The following TIAM1 variants were observed in gnomAD, a reference collection of about 807,000 sequenced individuals.
TIAM1 encodes rho guanine nucleotide exchange factor TIAM1.
TIAM1 carries 65 observed loss-of-function variants against 163.5 expected under a neutral mutation model. The ratio of observed to expected loss-of-function variants is 0.40; its 90% CI spans 0.33 to 0.49. The LOEUF (loss-of-function observed/expected upper bound fraction) is 0.49. Among genes scored for constraint, TIAM1 ranks in the 20% least tolerant of loss-of-function variants. The probability of loss-of-function intolerance (pLI) is 0.77; values close to 1 mark genes in which losing one functional copy is unlikely to be tolerated. For missense variants in TIAM1, 1,789 were observed against 2,044.7 expected, an observed-to-expected ratio of 0.87 and a Z score of 2.41; for synonymous variants, 833 against 810.1, an observed-to-expected ratio of 1.03 and a Z score of -0.48.
chr21:31,521,265 G>C (rs1395726307), intron 1 of TIAM1, among the ~76,000 whole-genome samples: 2 of 152,156 alleles, frequency 1.3e-5, no homozygotes, highest in Non-Finnish European at 2.9e-5. Flanking sequence ...AAAATGACAA[G>C]CTGGAAGGCT....
At chr21:31,489,193 C>T (rs1039904497) in intron 1 of TIAM1, among the ~76,000 whole-genome samples, 2 of 150,920 alleles carry the variant, frequency 1.3e-5, no homozygotes, top group Non-Finnish European at 2.9e-5. Flanking sequence ...AACATAGAGA[C>T]CTTATCTCTA....
chr21:31,396,302 G>A (rs755237673), intron 2 of TIAM1, among the ~76,000 whole-genome samples: 11 of 152,136 alleles, frequency 7.2e-5, no homozygotes, highest in Non-Finnish European at 1.5e-4. Context: ...TCCCACGCAT[G>A]CCTCCTGCCA....
At chr21:31,491,703 G>T (rs896143446) in intron 1 of TIAM1, among the ~76,000 whole-genome samples, 2 of 152,152 alleles carry the variant, frequency 1.3e-5, no homozygotes, top group Non-Finnish European at 1.5e-5. Flanking sequence ...CTTTGCTTTC[G>T]CAATTTATAG....
intron 15 of TIAM1, among the ~76,000 whole-genome samples, chr21:31,171,353 T>C (rs1021378281): frequency 2.6e-5 from 4 of 152,206 alleles, no homozygotes; most frequent in Non-Finnish European, 5.9e-5. Flanking sequence ...GTACAAACCA[T>C]ATAAGATTGA....
At chr21:31,355,380 T>C (rs1323333369) in intron 2 of TIAM1, among the ~76,000 whole-genome samples, 1 of 152,122 alleles carries the variant, frequency 6.6e-6, no homozygotes, top group East Asian at 1.9e-4. Context: ...CTTCCGCTTA[T>C]GAAGGTAACC....
chr21:31,296,304 T>A (rs900307230), intron 2 of TIAM1, among the ~76,000 whole-genome samples: 1 of 152,062 alleles, frequency 6.6e-6, no homozygotes, highest in Non-Finnish European at 1.5e-5. Context: ...AAAAAAAATA[T>A]GCACACCTCA....
At chr21:31,194,513 T>C (rs1174874424) in intron 13 of TIAM1, among the ~76,000 whole-genome samples, 1 of 152,186 alleles carries the variant, frequency 6.6e-6, no homozygotes, top group African/African-American at 2.4e-5. Flanking sequence ...AGGTACATCA[T>C]AGTATATGTT....
At chr21:31,376,579 A>G (rs1310399392) in intron 2 of TIAM1, among the ~76,000 whole-genome samples, 1 of 152,192 alleles carries the variant, frequency 6.6e-6, no homozygotes, top group East Asian at 1.9e-4. Context: ...TCCCCCAAAC[A>G]CACGCACAGC....
Position 31,481,979 on chromosome 21 carries a change from C to T in TIAM1, c.-421-17944G>A, listed in dbSNP as rs990038290. On this transcript the variant is annotated intron_variant, in intron 1 of 28. Coordinates refer to the TIAM1 transcript ENST00000286827. ...CCTCATCCCGAAGCTATCAAGAGGTCCCCAGTGTACCAAAGAAAGACATTC... is the reference window on the plus strand; with the variant it reads ...CCTCATCCCGAAGCTATCAAGAGGTTCCCAGTGTACCAAAGAAAGACATTC... 4.6e-5 allele frequency among the ~76,000 whole-genome samples: 7 copies of T among 151,828 alleles called. No homozygotes were observed. In the East Asian group the frequency reaches 1.4e-3, roughly 29 times the overall value.
intron 15 of TIAM1, among the ~76,000 whole-genome samples, chr21:31,174,561 C>CA (rs1021170842): frequency 2.0e-4 from 31 of 152,372 alleles, no homozygotes; most frequent in African/African-American, 7.0e-4. Flanking sequence ...CTTTCTCCAA[C>CA]ACCACAGCAG....
chr21:31,433,827 T>G lies in TIAM1; in HGVS notation c.-369+30156A>C, dbSNP rs564606708. Among the ~76,000 whole-genome samples, 6 of 152,208 alleles carry G rather than the reference T, an allele frequency of 3.9e-5. No individual in the cohort carries two copies. In the South Asian group the frequency reaches 1.2e-3, roughly 32 times the overall value. ...CCTTTTTTTTTTTTGAGACGAAGTC[T>G]CGCTCTGTCTCCCAGGCTGGAGTGC... On this transcript the variant is annotated intron_variant, in intron 2 of 28. Transcript: ENST00000286827.
intron 2 of TIAM1, among the ~76,000 whole-genome samples, chr21:31,399,820 C>T (rs1369260699): frequency 6.6e-6 from 1 of 152,124 alleles, no homozygotes; most frequent in Non-Finnish European, 1.5e-5. Flanking sequence ...AGCCAATATA[C>T]CAGCTCATAA....
chr21:31,319,609 TG>T (rs2075244100), intron 2 of TIAM1, among the ~76,000 whole-genome samples: 2 of 151,970 alleles, frequency 1.3e-5, no homozygotes, highest in African/African-American at 4.8e-5. Context: ...AAACCCCGTC[TG>T]TACTAAAAAT....
chr21:31,281,326 T>C (rs1172356059), intron 2 of TIAM1, among the ~76,000 whole-genome samples: 2 of 152,182 alleles, frequency 1.3e-5, no homozygotes, highest in Non-Finnish European at 2.9e-5. Context: ...TAAATATTAT[T>C]TGTCTTATCA....
chr21:31,463,366 T>C (rs1409879503), intron 2 of TIAM1, among the ~76,000 whole-genome samples: 1 of 152,166 alleles, frequency 6.6e-6, no homozygotes, highest in Non-Finnish European at 1.5e-5. Flanking sequence ...CCCTGTCAAT[T>C]CAACCCTCAA....
chr21:31,303,694 G>A (rs989821202), intron 2 of TIAM1, among the ~76,000 whole-genome samples: 2 of 151,978 alleles, frequency 1.3e-5, no homozygotes, highest in African/African-American at 2.4e-5. Flanking sequence ...AAAACAAAAA[G>A]TGGTCGGGCA....
chr21:31,512,617 C>A lies in TIAM1; in HGVS notation c.-422+46310G>T, dbSNP rs1162551453. Among the ~76,000 whole-genome samples the A allele has an allele frequency of 2.5e-5, 3 of 121,762 alleles. No homozygotes were observed. The Admixed American group carries it at 2.6e-4, about 11-fold the overall frequency. The allele number at this position is 121,762 out of a possible 152,430, so 79.9% of individuals were successfully genotyped here. A position where few individuals can be genotyped will look rare whatever the true frequency, so the allele number is the denominator to read the frequency against. On this transcript the variant is annotated intron_variant, in intron 1 of 28. Transcript: ENST00000286827. Reference sequence around the variant, plus strand: ...GTCCTGTCTTTTTCTTTTTTCTTTTCTTTTTTTTTTTTTTTTTTGAGACAG... The same window carrying A: ...GTCCTGTCTTTTTCTTTTTTCTTTTATTTTTTTTTTTTTTTTTTGAGACAG...
At chr21:31,210,634 AAAG>A (rs2086723081) in intron 10 of TIAM1, among the ~76,000 whole-genome samples, 1 of 25,184 alleles carries the variant, frequency 4.0e-5, no homozygotes, top group African/African-American at 2.1e-4. Context: ...AGAAAGAAAG[AAAG>A]AAAGAAAGAA....
chr21:31,407,255 C>T (rs1602204581), intron 2 of TIAM1, among the ~76,000 whole-genome samples: 1 of 152,020 alleles, frequency 6.6e-6, no homozygotes, highest in East Asian at 1.9e-4. Flanking sequence ...TGCTAAAATC[C>T]CTGGAGTTGT....
Sources: gnomAD v4.1 joint callset for allele counts (sites outside exome capture counted in the v4.1 genomes callset) on GRCh38, gnomAD v4.1.1 for gene constraint, MANE v1.5 for transcripts, NCBI Gene and HGNC (gene_info 2026-07-23, HGNC 2026-07-21) for gene names.